STAU2: variants seen among roughly 807,000 people sequenced by gnomAD.
The protein encoded by STAU2 is double-stranded RNA-binding protein Staufen homolog 2.
A neutral mutation model predicts 65.9 loss-of-function variants in STAU2; 20 were observed. That is an observed-to-expected ratio of 0.30 (90% confidence interval 0.21 to 0.44). The LOEUF (loss-of-function observed/expected upper bound fraction) is 0.44. Ranked by LOEUF, STAU2 falls within the 20% of genes least tolerant of loss-of-function variation. The probability of loss-of-function intolerance (pLI) is 1.00; values close to 1 mark genes in which losing one functional copy is unlikely to be tolerated. For synonymous variants in STAU2, 232 were observed against 233.9 expected (o/e 0.99, Z 0.07); for missense variants, 558 against 683.9 (o/e 0.82, Z 2.05).
chr8:73,569,481 C>G (rs200191236), intron 12 of STAU2, among the ~76,000 whole-genome samples: 1 of 152,112 alleles, frequency 6.6e-6, no homozygotes, highest in African/African-American at 2.4e-5. Flanking sequence ...AGCATGGAGT[C>G]TGAGATCTGA....
At chr8:73,433,503 C>CTTT (rs34174316) in intron 13 of STAU2, among the ~76,000 whole-genome samples, 34 of 126,646 alleles carry the variant, frequency 2.7e-4, no homozygotes, top group African/African-American at 1.0e-3. Context: ...CACGCCCCGC[C>CTTT]TTTTTTTTTT....
At chr8:73,455,633 TA>T (rs1289830331) in intron 13 of STAU2, among the ~76,000 whole-genome samples, 1 of 152,148 alleles carries the variant, frequency 6.6e-6, no homozygotes, top group Non-Finnish European at 1.5e-5. Context: ...TCCCTATCCT[TA>T]AAAGGCCCTA....
At chr8:73,659,968 T>C (rs1816704951) in intron 6 of STAU2, among the ~76,000 whole-genome samples, 1 of 152,178 alleles carries the variant, frequency 6.6e-6, no homozygotes, top group African/African-American at 2.4e-5. Flanking sequence ...ATATTCACTT[T>C]TGTAGAGAAT....
intron 1 of STAU2, 99 bp from the exon 2 acceptor site, chr8:73,739,967 G>T (rs1012457346): frequency 1.1e-5 from 7 of 636,122 alleles, no homozygotes; most frequent in Non-Finnish European, 1.4e-5. Context: ...TTGCTCAGAG[G>T]GAGGCAGATG....
At chr8:73,525,652 T>C (rs1001005639) in intron 13 of STAU2, among the ~76,000 whole-genome samples, 1 of 152,232 alleles carries the variant, frequency 6.6e-6, no homozygotes, top group African/African-American at 2.4e-5. Flanking sequence ...TACAGCAACA[T>C]GCCACCTCTG....
At chr8:73,675,807 A>C (rs1817997463) in intron 5 of STAU2, among the ~76,000 whole-genome samples, 3 of 152,196 alleles carry the variant, frequency 2.0e-5, no homozygotes. Flanking sequence ...TGGAGCTGTA[A>C]AGGTTTGGGA....
At chr8:73,562,663 C>T (rs778217664) in intron 12 of STAU2, among the ~76,000 whole-genome samples, 3 of 152,194 alleles carry the variant, frequency 2.0e-5, no homozygotes, top group Non-Finnish European at 1.5e-5. Flanking sequence ...ACTTAACCCA[C>T]AAAACACTTT....
chr8:73,730,166 T>G (rs1054260527), intron 3 of STAU2, among the ~76,000 whole-genome samples: 1 of 152,200 alleles, frequency 6.6e-6, no homozygotes, highest in Non-Finnish European at 1.5e-5. Flanking sequence ...GCTAATAATT[T>G]CCCTCTCAGG....
chr8:73,459,699 C>T (rs1260382685), intron 13 of STAU2, among the ~76,000 whole-genome samples: 2 of 152,222 alleles, frequency 1.3e-5, no homozygotes, highest in African/African-American at 4.8e-5. Flanking sequence ...ATCGTCACAT[C>T]CCACACATGC....
intron 5 of STAU2, among the ~76,000 whole-genome samples, chr8:73,682,201 T>C (rs1370426596): frequency 6.6e-6 from 1 of 151,992 alleles, no homozygotes; most frequent in East Asian, 1.9e-4. Flanking sequence ...ACATGGAACA[T>C]ATTCCAAGAC....
rs376067283 is a variant in STAU2 at position 73,552,214 on chromosome 8, T to A, written c.1328A>T (p.Asp443Val). The change falls in exon 13 of 15, where the codon GAT (aspartate) becomes GTT (valine). Residue 443 changes from aspartate (D) to valine (V), a missense_variant. By Grantham distance (152) the Asp-to-Val change is radical. Coordinates refer to ENST00000524300, the MANE Select transcript of STAU2 (RefSeq NM_001164380.2). Reference sequence around the variant, plus strand: ...GAAAGAGCTTGAAGGTTGGTTCATATCTTTGGGTGACAAATAGCCTAGAGT... The same window carrying A: ...GAAAGAGCTTGAAGGTTGGTTCATAACTTTGGGTGACAAATAGCCTAGAGT... The part of the protein sequence containing the change: ...GTTLGYLSPK[D>V]MNQPSSSFFS... 2 of 1,614,042 alleles carry A rather than the reference T, an allele frequency of 1.2e-6. No homozygotes were observed. Among genetic ancestry groups the A allele is most frequent in the Non-Finnish European group, 1.7e-6 (2 of 1,179,918 alleles).
intron 13 of STAU2, among the ~76,000 whole-genome samples, chr8:73,434,650 C>G (rs1265688675): frequency 1.3e-5 from 2 of 151,826 alleles, no homozygotes; most frequent in African/African-American, 4.9e-5. Context: ...AGGTGAATGC[C>G]TTGACCATAG....
chr8:73,747,180 G>A (rs965645715), upstream of STAU2: 2 of 544,200 alleles, frequency 3.7e-6, no homozygotes, highest in East Asian at 3.5e-5. Flanking sequence ...TTCCCGGGGG[G>A]CTTGGGCACG....
chr8:73,459,732 T>C (rs1280288576), intron 13 of STAU2, among the ~76,000 whole-genome samples: 2 of 152,204 alleles, frequency 1.3e-5, no homozygotes, highest in Admixed American at 1.3e-4. Flanking sequence ...ACCCACGCTG[T>C]TGTCACAACA....
At chr8:73,643,915 A>T (rs1815173164) in intron 6 of STAU2, among the ~76,000 whole-genome samples, 1 of 152,274 alleles carries the variant, frequency 6.6e-6, no homozygotes, top group Admixed American at 6.5e-5. Flanking sequence ...AGATACACTC[A>T]TATAAAATGC....
chr8:73,651,522 C>A (rs1815876431), intron 6 of STAU2: 8 of 808,046 alleles, frequency 9.9e-6, no homozygotes, highest in Non-Finnish European at 1.7e-5. Context: ...GCTTTCCACT[C>A]ACCGTCTTCT....
chr8:73,518,754 T>G (rs1822879236), intron 13 of STAU2, among the ~76,000 whole-genome samples: 1 of 152,162 alleles, frequency 6.6e-6, no homozygotes, highest in Non-Finnish European at 1.5e-5. Flanking sequence ...TATCCTGTGG[T>G]GAGAAGCTCC....
chr8:73,701,295 A>C (rs1482666030), intron 4 of STAU2, among the ~76,000 whole-genome samples: 1 of 152,160 alleles, frequency 6.6e-6, no homozygotes, highest in East Asian at 1.9e-4. Context: ...CAAGTTAAAA[A>C]CCTTCTGCAC....
chr8:73,745,309 T>TG (rs1807192619), intron 1 of STAU2, among the ~76,000 whole-genome samples: 1 of 152,232 alleles, frequency 6.6e-6, no homozygotes, highest in African/African-American at 2.4e-5. Flanking sequence ...AAAACAGAGA[T>TG]GGAGAGTAAG....
Sources: gnomAD v4.1 joint callset for allele counts (sites outside exome capture counted in the v4.1 genomes callset) on GRCh38, gnomAD v4.1.1 for gene constraint, MANE v1.5 for transcripts, NCBI Gene and HGNC (gene_info 2026-07-23, HGNC 2026-07-21) for gene names.